Variants in ZNF554 observed in about 807,000 individuals in gnomAD.
ZNF554 encodes the protein zinc finger protein 554.
In ZNF554, 15 loss-of-function variants were observed where a neutral mutation model predicts 21.2. The ratio of observed to expected loss-of-function variants is 0.71; its 90% confidence interval spans 0.47 to 1.09. ZNF554 has a LOEUF of 1.09. Ranked by LOEUF, ZNF554 falls within the 50% of genes least tolerant of loss-of-function variation. The probability of loss-of-function intolerance (pLI) is 0.00; values close to 1 mark genes in which losing one functional copy is unlikely to be tolerated. For missense variants in ZNF554, 691 were observed against 662.7 expected, an observed-to-expected ratio of 1.04 and a Z score of -0.47; for synonymous variants, 258 against 251.4, an observed-to-expected ratio of 1.03 and a Z score of -0.25.
At position 2,820,684 on chromosome 19, in the gene ZNF554, C is replaced by CTTTTTTTTTT. The variant is rs762586098; in HGVS notation, c.53+567_53+576dup. On this transcript the variant is annotated intron_variant, in intron 1 of 4. Transcript: ENST00000317243. ...TCCTGGTGATAAGACAGCAAGGGTC[C>CTTTTTTTTTT]TTTTTTTTTTTTTTTTGAGACGGAG... 8.6e-4 allele frequency among the ~76,000 whole-genome samples: 89 copies of CTTTTTTTTTT among 103,150 alleles called. 8 individuals are homozygous for CTTTTTTTTTT. Among genetic ancestry groups the CTTTTTTTTTT allele is most frequent in the African/African-American group, 2.6e-3 (69 of 26,134 alleles). 67.7% of individuals were successfully genotyped at this position (103,150 alleles called of 152,430 possible).
chr19:2,827,256 C>A (rs778725135), intron 2 of ZNF554, among the ~76,000 whole-genome samples: 3 of 152,208 alleles, frequency 2.0e-5, no homozygotes, highest in Non-Finnish European at 4.4e-5. Context: ...CCATAACTTG[C>A]AAGTGGCATA....
At position 2,834,807 on chromosome 19, in the gene ZNF554, CTG is replaced by C. The variant is rs769499749; in HGVS notation, c.1575_1576del (p.Cys525TrpfsTer28). ...GCCAGAAAACCTATAAAATCATTGA[CTG>C]TGGGAAAGCGTTCTACCAGAACAGA... is the stretch of plus-strand genomic sequence containing the variant. ...SSQKTYKIID[C>X]GKAFYQNRHL... On this transcript the variant is annotated frameshift_variant, in exon 5 of 5. Coordinates refer to ENST00000317243, the MANE Select transcript of ZNF554 (RefSeq NM_001102651.2). LOFTEE classifies it low-confidence loss of function (END_TRUNC). 6.2e-7 allele frequency: 1 copy of C among 1,609,032 alleles called. No individual in the cohort carries two copies. Among genetic ancestry groups the C allele is most frequent in the South Asian group, 1.1e-5 (1 of 90,852 alleles).
At chr19:2,822,936 A>G (rs2087281697) in intron 1 of ZNF554, 104 bp from the exon 2 acceptor site, 3 of 1,174,384 alleles carry the variant, frequency 2.6e-6, no homozygotes, top group Non-Finnish European at 3.7e-6. Context: ...CCCTCTGTGT[A>G]TGGGGGGCCC....
At chr19:2,820,868 T>C (rs1483889790) in intron 1 of ZNF554, among the ~76,000 whole-genome samples, 30 of 150,686 alleles carry the variant, frequency 2.0e-4, no homozygotes, top group Admixed American at 2.0e-3. Flanking sequence ...TTTCACCATG[T>C]TGGCCAGGCT....
rs1375608073 is a variant in ZNF554, at chr19:2,835,498, G to A, written c.*646G>A. ...AAAAAAAAAAAAAAATTATAGAGTT[G>A]GGGTCTTGCTACATTGCCAAGACTG... On this transcript the variant is annotated 3_prime_UTR_variant, in exon 5 of 5. Transcript: ENST00000317243. 5 of 151,298 alleles carry A rather than the reference G, an allele frequency of 3.3e-5. No homozygotes were observed. The highest frequency in any genetic ancestry group is 3.3e-4 in the Admixed American group (5 of 15,194). The allele number at this position is 151,298 out of a possible 1,614,324, so 9.4% of individuals were successfully genotyped here.
chr19:2,828,285 G>A (rs758116691), intron 3 of ZNF554, among the ~76,000 whole-genome samples: 2 of 152,200 alleles, frequency 1.3e-5, no homozygotes, highest in African/African-American at 4.8e-5. Context: ...TGTTCAGTAC[G>A]TGATAGCTGG....
At chr19:2,829,895 T>C (rs1308226426) in intron 3 of ZNF554, among the ~76,000 whole-genome samples, 1 of 152,030 alleles carries the variant, frequency 6.6e-6, no homozygotes, top group Admixed American at 6.6e-5. Flanking sequence ...TCACTCTCCA[T>C]CTCTATGGAT....
At position 2,834,431 on chromosome 19, in the gene ZNF554, A is replaced by G. The variant is rs909728274; in HGVS notation, c.1196A>G (p.Gln399Arg). 2 of 1,614,052 alleles carry G rather than the reference A, an allele frequency of 1.2e-6. No homozygotes were observed. Among genetic ancestry groups the G allele is most frequent in the South Asian group, 1.1e-5 (1 of 91,078 alleles). ...AGGATCTCATCGCTGACTCAGCATC[A>G]GAGGATTCACACCGGGGAAAAGCCC... ...FNRISSLTQH[Q>R]RIHTGEKPYK... Residue 399 changes from glutamine (Q) to arginine (R), a missense_variant, in exon 5 of 5, where the codon CAG becomes CGG. Coordinates refer to ENST00000317243, the MANE Select transcript of ZNF554 (RefSeq NM_001102651.2).
rs2087493497 is a variant in ZNF554, at chr19:2,836,115, GT to G, written c.*1264del. ...GCCTCCCAAAGTGCTGGTATTACAG[GT>G]GTGAGCCACCGTGCTGGTATTACGG... On this transcript the variant is annotated 3_prime_UTR_variant, in exon 5 of 5. Coordinates refer to ENST00000317243, the MANE Select transcript of ZNF554 (RefSeq NM_001102651.2). Among the ~76,000 whole-genome samples the G allele has an allele frequency of 6.6e-6, 1 of 151,768 alleles. No individual in the cohort carries two copies. The highest frequency in any genetic ancestry group is 2.4e-5 in the African/African-American group (1 of 41,312).
chr19:2,832,351 T>C lies in ZNF554; in HGVS notation c.302T>C (p.Leu101Pro), dbSNP rs1436011837. 6.2e-7 allele frequency: 1 copy of C among 1,613,074 alleles called. No individual in the cohort carries two copies. The highest frequency in any genetic ancestry group is 1.7e-5 in the Admixed American group (1 of 59,718). Residue 101 changes from leucine to proline, a missense_variant, in exon 4 of 5, where the codon CTT becomes CCT. Coordinates refer to ENST00000317243, the MANE Select transcript of ZNF554 (RefSeq NM_001102651.2). ...CTDVGIKEGP[L>P]SPAQTSQVTS... The stretch of plus-strand genomic sequence containing the variant: ...GATGTGGGGATTAAAGAGGGTCCAC[T>C]TTCCCCAGCACAAACCTCACAAGTC...
At chr19:2,833,299 T>G in intron 4 of ZNF554, 1 of 162,510 alleles carries the variant, frequency 6.2e-6, no homozygotes, top group Non-Finnish European at 1.3e-5. Context: ...TAGCTAATTT[T>G]TGTATTTTTA....
chr19:2,829,295 GT>G (rs1378186037), intron 3 of ZNF554, among the ~76,000 whole-genome samples: 3 of 152,142 alleles, frequency 2.0e-5, no homozygotes, highest in Non-Finnish European at 4.4e-5. Context: ...AGAGGCAGAG[GT>G]TGCAGTGAGC....
Position 2,821,233 on chromosome 19 carries a change from C to G in ZNF554, c.53+1109C>G, listed in dbSNP as rs1204989961. Among the ~76,000 whole-genome samples the G allele has an allele frequency of 2.0e-5, 3 of 151,564 alleles. No individual in the cohort carries two copies. The highest frequency in any genetic ancestry group is 7.3e-5 in the African/African-American group (3 of 40,976). ...TCCCAAGTAGCTGGGATTACAGGTG[C>G]ACGCCACCCCGCCTGGCTAATTTTT... On this transcript the variant is annotated intron_variant, in intron 1 of 4. Coordinates refer to ENST00000317243, the MANE Select transcript of ZNF554 (RefSeq NM_001102651.2). The surrounding 1 kb of genome is among the most constrained non-coding windows in gnomAD (Gnocchi z 8.2).
intron 2 of ZNF554, among the ~76,000 whole-genome samples, chr19:2,823,872 C>G (rs111970676): frequency 3.9e-5 from 6 of 152,002 alleles, no homozygotes; most frequent in Admixed American, 2.0e-4. Context: ...ATGGGAGGGT[C>G]GAAAGAGGCA....
intron 3 of ZNF554, among the ~76,000 whole-genome samples, chr19:2,829,290 C>T (rs757260585): frequency 6.6e-6 from 1 of 152,014 alleles, no homozygotes; most frequent in Non-Finnish European, 1.5e-5. Context: ...ACCTGAGAGG[C>T]AGAGGTTGCA....
In ZNF554 at chr19:2,836,663, A is replaced by G. The variant is rs1433288224; in HGVS notation, c.*1811A>G. Among the ~76,000 whole-genome samples the G allele has an allele frequency of 6.6e-6, 1 of 152,236 alleles. No homozygotes were observed. The highest frequency in any genetic ancestry group is 2.4e-5 in the African/African-American group (1 of 41,462). On this transcript the variant is annotated 3_prime_UTR_variant, in exon 5 of 5. Coordinates refer to ENST00000317243, the MANE Select transcript of ZNF554 (RefSeq NM_001102651.2). ...TTCTGCCGTTTCATTTTGTATTGCCATAATCATTTTGACAATGAATACAAA... is the reference window on the plus strand; with the variant it reads ...TTCTGCCGTTTCATTTTGTATTGCCGTAATCATTTTGACAATGAATACAAA...
rs544534535 is a variant in ZNF554 at position 2,821,357 on chromosome 19, A to G, written c.53+1233A>G. On this transcript the variant is annotated intron_variant, in intron 1 of 4. Coordinates refer to ENST00000317243, the MANE Select transcript of ZNF554 (RefSeq NM_001102651.2). The surrounding 1 kb of genome is among the most constrained non-coding windows in gnomAD (Gnocchi z 8.2). ...CCACCTACCTCGGCCTCCCAAAGTG[A>G]CCACTGCGCCCGGCGCCTTTGGTTC... 6.6e-6 allele frequency among the ~76,000 whole-genome samples: 1 copy of G among 151,874 alleles called. No individual in the cohort carries two copies. The highest frequency in any genetic ancestry group is 2.1e-4 in the South Asian group (1 of 4,808).
intron 3 of ZNF554, among the ~76,000 whole-genome samples, chr19:2,830,051 A>C (rs553238055): frequency 6.6e-6 from 1 of 152,204 alleles, no homozygotes; most frequent in South Asian, 2.1e-4. Flanking sequence ...CAGCCTCCGG[A>C]GTAGCTGGGA....
In ZNF554 at chr19:2,834,848, A is replaced by G. The variant is rs775812906; in HGVS notation, c.1613A>G (p.Tyr538Cys). 6.3e-7 allele frequency: 1 copy of G among 1,580,370 alleles called. No homozygotes were observed. Among genetic ancestry groups the G allele is most frequent in the Admixed American group, 1.8e-5 (1 of 56,548 alleles). The change falls in exon 5 of 5, where the codon TAT becomes TGT. Residue 538 changes from tyrosine to cysteine, a missense_variant. Coordinates refer to ENST00000317243, the MANE Select transcript of ZNF554 (RefSeq NM_001102651.2). The part of the protein sequence containing the change: ...AFYQNRHLIG[Y>C] ...TACCAGAACAGACATCTTATTGGATATTAGCAATTGCACGCTGCTTTGTAA... is the reference window on the plus strand; with the variant it reads ...TACCAGAACAGACATCTTATTGGATGTTAGCAATTGCACGCTGCTTTGTAA...
Sources: allele counts gnomAD v4.1 joint callset (sites outside exome capture counted in the v4.1 genomes callset), GRCh38; gene constraint gnomAD v4.1.1; non-coding constraint Gnocchi (gnomAD v3.1); transcripts MANE v1.5; gene names NCBI Gene and HGNC (gene_info 2026-07-23, HGNC 2026-07-21).